The following FAM131A variants were observed in gnomAD, a reference collection of about 807,000 sequenced individuals.
FAM131A encodes the protein protein FAM131A.
In FAM131A, 24 loss-of-function variants were observed where a neutral mutation model predicts 39.2. The observed-to-expected ratio is 0.61, with a 90% CI of 0.44 to 0.86. The LOEUF (loss-of-function observed/expected upper bound fraction) is 0.86. FAM131A is among the 40% of genes least tolerant of loss of function. The probability of loss-of-function intolerance (pLI) is 0.00; values close to 1 mark genes in which losing one functional copy is unlikely to be tolerated. For missense variants in FAM131A, 373 were observed against 481.2 expected, an observed-to-expected ratio of 0.78 and a Z score of 2.10; for synonymous variants, 202 against 206.8, an observed-to-expected ratio of 0.98 and a Z score of 0.20.
Position 184,345,601 on chromosome 3 carries a change from ATCTTC to A in FAM131A, c.*640_*644del, listed in dbSNP as rs766585940. Reference sequence around the variant, plus strand: ...GTTTTTGGTCTGTTTTTTCAGTCGGATCTTCTCTTCTCTGGGAGGCTTTGGAATGA... The same window carrying A: ...GTTTTTGGTCTGTTTTTTCAGTCGGATCTTCTCTGGGAGGCTTTGGAATGA... On this transcript the variant is annotated 3_prime_UTR_variant, in exon 6 of 6. Transcript: ENST00000383847. 3.8e-5 allele frequency: 27 copies of A among 702,890 alleles called. No homozygotes were observed. The highest frequency in any genetic ancestry group is 7.0e-5 in the African/African-American group (4 of 57,228). 43.5% of individuals were successfully genotyped at this position (702,890 alleles called of 1,614,324 possible). A position where few individuals can be genotyped will look rare whatever the true frequency, so the allele number is the denominator to read the frequency against.
rs754114220 is a variant in FAM131A, at chr3:184,344,544, C to T, written c.675C>T (p.Thr225=). 1.1e-5 allele frequency: 18 copies of T among 1,582,146 alleles called. No individual in the cohort carries two copies. Among genetic ancestry groups the T allele is most frequent in the African/African-American group, 9.4e-5 (7 of 74,306 alleles). Residue 225 remains threonine (T), a synonymous_variant, in exon 6 of 6, where the codon ACC becomes ACT. Coordinates refer to ENST00000383847, the MANE Select transcript of FAM131A (RefSeq NM_144635.5). ...GGCCGCACCTCCAGGACCTGTTCAC[C>T]GGCCACCGGTTCTCCCGGCCTGTGC... ...PLGPHLQDLF[T]GHRFSRPVRQ...
chr3:184,346,021 A>C lies in FAM131A; in HGVS notation c.*1051A>C. ...GGGCCCCACCCCAGCCAGGGTGTTA[A>C]TGCCCACGTAGTGGAGGCCTCTGGC... On this transcript the variant is annotated 3_prime_UTR_variant, in exon 6 of 6. Transcript: ENST00000383847. This position sits in a 1 kb window ranked among gnomAD's most constrained non-coding sequence, Gnocchi z 6.0. 5.3e-6 allele frequency: 1 copy of C among 188,772 alleles called. No homozygotes were observed. The highest frequency in any genetic ancestry group is 2.4e-5 in the African/African-American group (1 of 42,190). 11.7% of individuals were successfully genotyped at this position (188,772 alleles called of 1,614,324 possible).
chr3:184,338,051 C>T (rs1226213980), intron 1 of FAM131A, among the ~76,000 whole-genome samples: 2 of 151,964 alleles, frequency 1.3e-5, no homozygotes, highest in Admixed American at 6.6e-5. Flanking sequence ...ACAGTGATGG[C>T]GGAAGAACTC....
At chr3:184,335,988 C>G (rs1203842549), upstream of FAM131A, 2 of 152,264 alleles carry the variant, frequency 1.3e-5, no homozygotes, top group Admixed American at 1.3e-4. Context: ...CCCCTCCCCT[C>G]TCACGGGCTC....
In FAM131A at chr3:184,344,890, C is replaced by T. The variant is rs148217150; in HGVS notation, c.1021C>T (p.Arg341Trp). The T allele has an allele frequency of 2.0e-5, 32 of 1,608,930 alleles. No individual in the cohort carries two copies. Among genetic ancestry groups the T allele is most frequent in the African/African-American group, 1.1e-4 (8 of 74,904 alleles). The change falls in exon 6 of 6, where the codon CGG (arginine) becomes TGG (tryptophan). Residue 341 changes from arginine (R) to tryptophan (W), a missense_variant. Arg to Trp is a moderately radical substitution (Grantham distance 101). Coordinates refer to ENST00000383847, the MANE Select transcript of FAM131A (RefSeq NM_144635.5). ...CCCACCACTAACGGGCAGCTGGGAA[C>T]GGCAGCGGCAAGCCTCTGACCTGGC... ...LCPPLTGSWE[R>W]QRQASDLASS...
rs1030352893 is a variant in FAM131A at position 184,345,970 on chromosome 3, G to A, written c.*1000G>A. ...GAAAGAAGGTAGAGCCTTTCTGTCT[G>A]AATGAAAGGCCAAGGCTACAGTACA... On this transcript the variant is annotated 3_prime_UTR_variant, in exon 6 of 6. Transcript: ENST00000383847. The A allele has an allele frequency of 1.6e-5, 4 of 249,106 alleles. No individual in the cohort carries two copies. The highest frequency in any genetic ancestry group is 2.3e-5 in the Non-Finnish European group (3 of 130,240). The allele number at this position is 249,106 out of a possible 1,614,324, so 15.4% of individuals were successfully genotyped here.
At chr3:184,336,424 T>C (rs2108538496), upstream of FAM131A, among the ~76,000 whole-genome samples, 1 of 152,230 alleles carries the variant, frequency 6.6e-6, no homozygotes, top group South Asian at 2.1e-4. The surrounding 1 kb of genome is among the most constrained non-coding windows in gnomAD (Gnocchi z 5.5). Context: ...CGGGAGGGGC[T>C]GGGCAGCCCG....
At position 184,342,281 on chromosome 3, in the gene FAM131A, T is replaced by C. The variant is rs76640995; in HGVS notation, c.508+33T>C. The C allele has an allele frequency of 8.7e-3, 13,562 of 1,554,652 alleles. 88 individuals are homozygous for C. The highest frequency in any genetic ancestry group is 0.01 in the Non-Finnish European group (11,729 of 1,154,626). Reference sequence around the variant, plus strand: ...GCAGAAAGGGGATAAGCTACACTCTTGGCACAGGGCTGCTTTCTTTCTTTA... The same window carrying C: ...GCAGAAAGGGGATAAGCTACACTCTCGGCACAGGGCTGCTTTCTTTCTTTA... On this transcript the variant is annotated intron_variant, in intron 4 of 5. Transcript: ENST00000383847. The surrounding 1 kb of genome is among the most constrained non-coding windows in gnomAD (Gnocchi z 4.6).
chr3:184,342,275 C>T lies in FAM131A; in HGVS notation c.508+27C>T. 6.4e-7 allele frequency: 1 copy of T among 1,557,912 alleles called. No homozygotes were observed. Among genetic ancestry groups the T allele is most frequent in the Non-Finnish European group, 8.7e-7 (1 of 1,155,794 alleles). On this transcript the variant is annotated intron_variant, in intron 4 of 5. Transcript: ENST00000383847. This position sits in a 1 kb window ranked among gnomAD's most constrained non-coding sequence, Gnocchi z 4.6. ...TGGATGGCAGAAAGGGGATAAGCTA[C>T]ACTCTTGGCACAGGGCTGCTTTCTT...
intron 2 of FAM131A, chr3:184,339,183 G>C (rs548320544): frequency 6.6e-6 from 1 of 152,534 alleles, no homozygotes; most frequent in African/African-American, 2.4e-5. Flanking sequence ...AGGAACTTAC[G>C]TGCATCAGAC....
chr3:184,345,159 G>C lies in FAM131A; in HGVS notation c.*189G>C, dbSNP rs2108550070. 1.5e-6 allele frequency: 1 copy of C among 645,858 alleles called. No individual in the cohort carries two copies. Among genetic ancestry groups the C allele is most frequent in the Non-Finnish European group, 2.6e-6 (1 of 388,620 alleles). The allele number at this position is 645,858 out of a possible 1,614,324, so 40.0% of individuals were successfully genotyped here. A position where few individuals can be genotyped will look rare whatever the true frequency, so the allele number is the denominator to read the frequency against. On this transcript the variant is annotated 3_prime_UTR_variant, in exon 6 of 6. Transcript: ENST00000383847. ...AGGAGGCAGGGGCTGGGCTGGGGGC[G>C]CATGTCCTGCCCCCACTCCCGGGGC...
chr3:184,344,912 T>C lies in FAM131A; in HGVS notation c.1043T>C (p.Leu348Pro), dbSNP rs1441219262. The part of the protein sequence containing the change: ...SWERQRQASD[L>P]ASSGVVSLDE... The stretch of plus-strand genomic sequence containing the variant: ...GAACGGCAGCGGCAAGCCTCTGACC[T>C]GGCCTCTTCTGGGGTGGTGTCCTTA... The change falls in exon 6 of 6, where the codon CTG (leucine) becomes CCG (proline). Residue 348 changes from leucine (L) to proline (P), a missense_variant. Physicochemically the swap from Leu to Pro is moderately conservative, Grantham distance 98. This residue lies in a region of FAM131A where 152 missense variants were observed against 133.5 expected (regional missense o/e 1.14). Transcript: ENST00000383847. The C allele has an allele frequency of 6.2e-7, 1 of 1,605,702 alleles. No individual in the cohort carries two copies. Among genetic ancestry groups the C allele is most frequent in the Admixed American group, 1.7e-5 (1 of 59,776 alleles).
chr3:184,340,314 A>ATT (rs3064292), intron 2 of FAM131A: 12,181 of 75,768 alleles, frequency 0.16, 1,459 homozygotes, highest in Non-Finnish European at 0.21. Context: ...CAGCCTATGC[A>ATT]TTTTTTTTTT....
chr3:184,341,800 C>T lies in FAM131A; in HGVS notation c.308C>T (p.Ala103Val). Residue 103 changes from alanine (A) to valine (V), a missense_variant, in exon 3 of 6, where the codon GCC becomes GTC. Transcript: ENST00000383847. ...ALTIQEIAAL[A>V]RSSLHGISQV... ...ACTATCCAGGAGATCGCTGCGCTGG[C>T]CAGGTCCTCCCTGCATGGTATGCAG... 6.2e-7 allele frequency: 1 copy of T among 1,614,120 alleles called. No individual in the cohort carries two copies. The highest frequency in any genetic ancestry group is 8.5e-7 in the Non-Finnish European group (1 of 1,180,024).
Position 184,345,085 on chromosome 3 carries a change from T to C in FAM131A, c.*115T>C. The C allele has an allele frequency of 5.0e-6, 5 of 1,000,044 alleles. No individual in the cohort carries two copies. Among genetic ancestry groups the C allele is most frequent in the Non-Finnish European group, 7.1e-6 (5 of 704,644 alleles). 61.9% of individuals were successfully genotyped at this position (1,000,044 alleles called of 1,614,324 possible). ...AGAGCTCCACAGCCTAGAGGGCTCC[T>C]GGGAGCGCTCGCTTCTCCGTTGTGT... On this transcript the variant is annotated 3_prime_UTR_variant, in exon 6 of 6. Coordinates refer to ENST00000383847, the MANE Select transcript of FAM131A (RefSeq NM_144635.5).
Position 184,342,558 on chromosome 3 carries a change from G to A in FAM131A, c.509-186G>A, listed in dbSNP as rs1033903640. On this transcript the variant is annotated intron_variant, in intron 4 of 5. Transcript: ENST00000383847. This position sits in a 1 kb window ranked among gnomAD's most constrained non-coding sequence, Gnocchi z 4.6. ...CCTGACCTAGTGATCCACCTGCCTC[G>A]GCCTCCCAAAGTGCTGGGATTACAG... 6.6e-6 allele frequency among the ~76,000 whole-genome samples: 1 copy of A among 151,922 alleles called. No individual in the cohort carries two copies. Among genetic ancestry groups the A allele is most frequent in the African/African-American group, 2.4e-5 (1 of 41,330 alleles).
chr3:184,345,699 C>T lies in FAM131A; in HGVS notation c.*729C>T. 3.2e-6 allele frequency: 2 copies of T among 623,464 alleles called. No homozygotes were observed. Among genetic ancestry groups the T allele is most frequent in the Non-Finnish European group, 5.7e-6 (2 of 351,846 alleles). The allele number at this position is 623,464 out of a possible 1,614,324, so 38.6% of individuals were successfully genotyped here. A position where few individuals can be genotyped will look rare whatever the true frequency, so the allele number is the denominator to read the frequency against. On this transcript the variant is annotated 3_prime_UTR_variant, in exon 6 of 6. Transcript: ENST00000383847. ...GGCCTGGGCCCTTTCCCAACCCCTC[C>T]TAGGATGTGCGGGCAGTGTGCTGGC...
At position 184,344,971 on chromosome 3, in the gene FAM131A, C is replaced by G; in HGVS notation, c.*1C>G. 6.5e-7 allele frequency: 1 copy of G among 1,542,056 alleles called. No homozygotes were observed. Among genetic ancestry groups the G allele is most frequent in the Non-Finnish European group, 8.7e-7 (1 of 1,146,606 alleles). On this transcript the variant is annotated 3_prime_UTR_variant, in exon 6 of 6. Transcript: ENST00000383847. ...TGAGGCAGAGCCAGAGGAACAGTGA[C>G]CCACATCATGCCTGGCAGTGGCATG...
At chr3:184,337,173 TG>T (rs1171834405), upstream of FAM131A, 1 of 160,428 alleles carries the variant, frequency 6.2e-6, no homozygotes, top group Non-Finnish European at 1.4e-5. Flanking sequence ...TATCAAGGCT[TG>T]GAGTTCAGGA....
Sources: gnomAD v4.1 joint callset for allele counts (sites outside exome capture counted in the v4.1 genomes callset) on GRCh38, gnomAD v4.1.1 for gene constraint, gnomAD v4.1.1 regional missense constraint, Gnocchi (gnomAD v3.1) non-coding constraint, MANE v1.5 for transcripts, NCBI Gene and HGNC (gene_info 2026-07-23, HGNC 2026-07-21) for gene names.